The following MTMR7 variants were observed in gnomAD, a reference collection of about 807,000 sequenced individuals.
The protein encoded by MTMR7 is phosphatidylinositol-3-phosphate phosphatase MTMR7.
MTMR7 carries 76 observed loss-of-function variants against 81.2 expected under a neutral mutation model. That is an observed-to-expected ratio of 0.94 (90% CI 0.78 to 1.13). The LOEUF (loss-of-function observed/expected upper bound fraction) is 1.13, where lower values mean the gene tolerates loss of function less well. Ranked by LOEUF, MTMR7 falls within the 50% of genes most tolerant of loss-of-function variation. MTMR7 has a pLI of 0.00. For synonymous variants in MTMR7, 372 were observed against 289.8 expected, an observed-to-expected ratio of 1.28 and a Z score of -2.88; for missense variants, 1,044 against 820.0, an observed-to-expected ratio of 1.27 and a Z score of -3.34.
chr8:17,308,592 A>T (rs1324516950), intron 10 of MTMR7, among the ~76,000 whole-genome samples: 1 of 152,232 alleles, frequency 6.6e-6, no homozygotes, highest in African/African-American at 2.4e-5. Flanking sequence ...TTTAAATTTT[A>T]TCACCAAAGA....
chr8:17,362,974 T>C (rs1409910139), intron 3 of MTMR7, among the ~76,000 whole-genome samples: 1 of 152,256 alleles, frequency 6.6e-6, no homozygotes, highest in Non-Finnish European at 1.5e-5. Flanking sequence ...AACTGCTGTA[T>C]GTCAGTGAGA....
At chr8:17,393,101 G>C (rs1442527218) in intron 1 of MTMR7, among the ~76,000 whole-genome samples, 4 of 152,198 alleles carry the variant, frequency 2.6e-5, no homozygotes, top group African/African-American at 9.6e-5. Context: ...GAATAGAACT[G>C]AGAGTCCAGA....
intron 6 of MTMR7, among the ~76,000 whole-genome samples, chr8:17,337,226 G>A (rs905683093): frequency 6.6e-6 from 1 of 151,964 alleles, no homozygotes; most frequent in African/African-American, 2.4e-5. Context: ...TTAGCCGGGC[G>A]TGGTGGCGGG....
At chr8:17,372,762 A>G (rs564751215) in intron 2 of MTMR7, among the ~76,000 whole-genome samples, 108 of 152,312 alleles carry the variant, frequency 7.1e-4, no homozygotes, top group Middle Eastern at 3.4e-3. Context: ...GCTGCATTAC[A>G]GGACCCTGCA....
rs897774496 is a variant in MTMR7, at chr8:17,299,810, T to A, written c.*52A>T. 2 of 1,592,810 alleles carry A rather than the reference T, an allele frequency of 1.3e-6. No homozygotes were observed. The highest frequency in any genetic ancestry group is 3.4e-5 in the Admixed American group (2 of 58,000). On this transcript the variant is annotated 3_prime_UTR_variant, in exon 14 of 14. Coordinates refer to ENST00000180173, the MANE Select transcript of MTMR7 (RefSeq NM_004686.5). ...ACAATAAACCACCTTGTTCCCTTGT[T>A]TTTGGAAGTGTTGCTTATGTGTCCT...
At chr8:17,378,456 C>T (rs1820657367) in intron 1 of MTMR7, among the ~76,000 whole-genome samples, 1 of 152,140 alleles carries the variant, frequency 6.6e-6, no homozygotes, top group East Asian at 1.9e-4. Context: ...CTCAGTAATT[C>T]AGCCTTACTG....
At chr8:17,322,140 G>C (rs977672929) in intron 7 of MTMR7, among the ~76,000 whole-genome samples, 2 of 151,832 alleles carry the variant, frequency 1.3e-5, no homozygotes, top group Non-Finnish European at 2.9e-5. Context: ...CTGCCTGTTG[G>C]CTCTGTCCTC....
At chr8:17,356,790 T>C (rs1244588841) in intron 4 of MTMR7, among the ~76,000 whole-genome samples, 1 of 152,106 alleles carries the variant, frequency 6.6e-6, no homozygotes, top group Non-Finnish European at 1.5e-5. Context: ...TTCTCAGAAG[T>C]GGCACTGTGG....
chr8:17,398,612 G>T (rs1821329296), intron 1 of MTMR7, among the ~76,000 whole-genome samples: 1 of 152,152 alleles, frequency 6.6e-6, no homozygotes, highest in African/African-American at 2.4e-5. Context: ...AGGAGGTAGA[G>T]AAAGAAATGG....
intron 1 of MTMR7, among the ~76,000 whole-genome samples, chr8:17,383,531 T>C (rs7828510): frequency 0.089 from 13,549 of 152,250 alleles, 1,150 homozygotes; most frequent in African/African-American, 0.22. Context: ...TCCACTTCCC[T>C]GGATCTCTCC....
chr8:17,346,651 A>G (rs1819559937), intron 5 of MTMR7, among the ~76,000 whole-genome samples: 1 of 152,036 alleles, frequency 6.6e-6, no homozygotes. Context: ...CCCTTGTCTC[A>G]AGAATATAAA....
chr8:17,314,372 G>A (rs1586163645), intron 7 of MTMR7, among the ~76,000 whole-genome samples: 1 of 152,242 alleles, frequency 6.6e-6, no homozygotes, highest in East Asian at 1.9e-4. Context: ...GCAATGAGCT[G>A]TGTAGTCTTG....
At chr8:17,302,072 T>G in intron 13 of MTMR7, 82 bp downstream of exon 13, 1 of 1,570,724 alleles carries the variant, frequency 6.4e-7, no homozygotes, top group African/African-American at 1.4e-5. Flanking sequence ...TGTATTGCAC[T>G]GAATCTTAAG....
intron 4 of MTMR7, among the ~76,000 whole-genome samples, chr8:17,355,764 G>C (rs775958743): frequency 6.6e-6 from 1 of 151,920 alleles, no homozygotes; most frequent in African/African-American, 2.4e-5. Flanking sequence ...TAATCTTATA[G>C]AAAAAAGAGC....
chr8:17,340,623 G>A (rs1203910140), intron 6 of MTMR7, among the ~76,000 whole-genome samples: 1 of 152,212 alleles, frequency 6.6e-6, no homozygotes, highest in Non-Finnish European at 1.5e-5. Flanking sequence ...TTAAGGCTGA[G>A]TGGGAGGTAA....
rs1457327244 is a variant in MTMR7, at chr8:17,413,301, C to G, written c.-9G>C. ...GTACGGATGTGCTCCATGGCTGGCCCACGTCTGCAGGGTCCCGGGCGGGCG... is the reference window on the plus strand; with the variant it reads ...GTACGGATGTGCTCCATGGCTGGCCGACGTCTGCAGGGTCCCGGGCGGGCG... On this transcript the variant is annotated 5_prime_UTR_variant, in exon 1 of 14. Coordinates refer to ENST00000180173, the MANE Select transcript of MTMR7 (RefSeq NM_004686.5). 2 of 1,545,278 alleles carry G rather than the reference C, an allele frequency of 1.3e-6. No homozygotes were observed. The highest frequency in any genetic ancestry group is 2.5e-5 in the East Asian group (1 of 39,820).
Position 17,361,137 on chromosome 8 carries a change from C to G in MTMR7, c.448G>C (p.Asp150His). The change falls in exon 4 of 14, where the codon GAT becomes CAT. Residue 150 changes from aspartate (D) to histidine (H), a missense_variant. Coordinates refer to ENST00000180173, the MANE Select transcript of MTMR7 (RefSeq NM_004686.5). ...GLPNHYWQLSDVNRDYRVCDS... is the reference protein window; with the variant it reads ...GLPNHYWQLSHVNRDYRVCDS... ...CTCACTCTGTAGTCTCTATTCACATCGCTGAGCTGCCAGTAATGATTAGGG... is the reference window on the plus strand; with the variant it reads ...CTCACTCTGTAGTCTCTATTCACATGGCTGAGCTGCCAGTAATGATTAGGG... 6.2e-7 allele frequency: 1 copy of G among 1,614,154 alleles called. No homozygotes were observed. Among genetic ancestry groups the G allele is most frequent in the Non-Finnish European group, 8.5e-7 (1 of 1,180,010 alleles).
At chr8:17,358,274 T>C (rs1036058789) in intron 4 of MTMR7, among the ~76,000 whole-genome samples, 1 of 152,054 alleles carries the variant, frequency 6.6e-6, no homozygotes, top group Non-Finnish European at 1.5e-5. Flanking sequence ...GGAAATATAA[T>C]CATATAAAAT....
intron 4 of MTMR7, among the ~76,000 whole-genome samples, chr8:17,352,429 T>A (rs1819755545): frequency 1.3e-5 from 2 of 152,098 alleles, no homozygotes; most frequent in Non-Finnish European, 2.9e-5. Flanking sequence ...TCATATCTTG[T>A]ACTATATAAA....
Sources: gnomAD v4.1 joint callset for allele counts (sites outside exome capture counted in the v4.1 genomes callset) on GRCh38, gnomAD v4.1.1 for gene constraint, MANE v1.5 for transcripts, NCBI Gene and HGNC (gene_info 2026-07-23, HGNC 2026-07-21) for gene names.